Variants in NFASC observed in about 807,000 individuals in gnomAD.
NFASC encodes the protein neurofascin.
A neutral mutation model predicts 147.5 loss-of-function variants in NFASC; 43 were observed. The ratio of observed to expected loss-of-function variants is 0.29; its 90% CI spans 0.23 to 0.38. NFASC has a LOEUF of 0.38. NFASC is among the 10% of genes least tolerant of loss of function. The probability of loss-of-function intolerance (pLI) is 1.00; values close to 1 mark genes in which losing one functional copy is unlikely to be tolerated. For synonymous variants in NFASC, 622 were observed against 665.5 expected (o/e 0.93, Z 1.01); for missense variants, 1,320 against 1,689.0 (o/e 0.78, Z 3.83).
At chr1:204,935,333 G>A (rs916005574) in intron 2 of NFASC, among the ~76,000 whole-genome samples, 1 of 152,186 alleles carries the variant, frequency 6.6e-6, no homozygotes, top group Non-Finnish European at 1.5e-5. Flanking sequence ...GCTACAGCAA[G>A]GGAGTCAGCC....
chr1:204,895,430 T>C (rs987490723), intron 1 of NFASC, among the ~76,000 whole-genome samples: 30 of 152,368 alleles, frequency 2.0e-4, no homozygotes, highest in African/African-American at 7.2e-4. Flanking sequence ...GGATTGGCTC[T>C]GAACATGTCT....
At chr1:204,886,789 G>A (rs2148965766) in intron 1 of NFASC, among the ~76,000 whole-genome samples, 1 of 152,262 alleles carries the variant, frequency 6.6e-6, no homozygotes, top group Admixed American at 6.5e-5. Flanking sequence ...GATTCTGTAT[G>A]CCCATTCTAG....
At chr1:204,976,079 G>A (rs2095396441) in intron 15 of NFASC, among the ~76,000 whole-genome samples, 1 of 152,156 alleles carries the variant, frequency 6.6e-6, no homozygotes, top group East Asian at 1.9e-4. Flanking sequence ...GCAGGGCCCT[G>A]CAGTTGGACA....
chr1:204,898,691 G>A (rs1287251972), intron 1 of NFASC, among the ~76,000 whole-genome samples: 4 of 152,206 alleles, frequency 2.6e-5, no homozygotes, highest in Admixed American at 2.6e-4. Flanking sequence ...GAGACCCAGT[G>A]CAGCCTCGTG....
intron 1 of NFASC, among the ~76,000 whole-genome samples, chr1:204,880,760 A>G (rs569637108): frequency 3.3e-5 from 5 of 152,068 alleles, no homozygotes; most frequent in Non-Finnish European, 7.4e-5. Flanking sequence ...ATTTTTTCCT[A>G]GTTGACCCCA....
At chr1:204,927,292 C>T (rs898153330) in intron 2 of NFASC, among the ~76,000 whole-genome samples, 2 of 152,142 alleles carry the variant, frequency 1.3e-5, no homozygotes, top group Non-Finnish European at 2.9e-5. Context: ...AGAGATTTGC[C>T]TATTCTGGAC....
chr1:204,834,472 G>A (rs972170199), intron 1 of NFASC, among the ~76,000 whole-genome samples: 16 of 152,168 alleles, frequency 1.1e-4, no homozygotes, highest in African/African-American at 3.4e-4. Flanking sequence ...GGCTCCTGCT[G>A]CTCTCTTCCT....
chr1:204,880,998 G>A (rs541845305), intron 1 of NFASC, among the ~76,000 whole-genome samples: 11 of 152,328 alleles, frequency 7.2e-5, no homozygotes, highest in African/African-American at 2.6e-4. Context: ...GAAGAGTGTA[G>A]CAGCCCTCCT....
rs2096379392 is a variant in NFASC, at chr1:205,018,580, A to C, written c.*2041A>C. On this transcript the variant is annotated 3_prime_UTR_variant, in exon 30 of 30. Coordinates refer to ENST00000339876, the MANE Select transcript of NFASC (RefSeq NM_001005388.3). Reference sequence around the variant, plus strand: ...GCAGCTTATCACAGTGCAAGGGGACAGGGTAAACAGCAGGGGGTGGGGTGT... The same window carrying C: ...GCAGCTTATCACAGTGCAAGGGGACCGGGTAAACAGCAGGGGGTGGGGTGT... 2 of 152,700 alleles carry C rather than the reference A, an allele frequency of 1.3e-5. No homozygotes were observed. Among genetic ancestry groups the C allele is most frequent in the African/African-American group, 4.8e-5 (2 of 41,474 alleles). 9.5% of individuals were successfully genotyped at this position (152,700 alleles called of 1,614,324 possible). A position where few individuals can be genotyped will look rare whatever the true frequency, so the allele number is the denominator to read the frequency against.
intron 22 of NFASC, among the ~76,000 whole-genome samples, chr1:204,988,204 G>T (rs911512984): frequency 2.6e-5 from 4 of 152,170 alleles, no homozygotes; most frequent in Non-Finnish European, 4.4e-5. Flanking sequence ...ATTGATCTCT[G>T]GACCAGACCC....
chr1:204,966,072 T>G lies in NFASC; in HGVS notation c.707-2177T>G, dbSNP rs143350828. ...GGCCCTGATTATGACCTCCAACTTTTAGGATGCTCTTCTCTTTTTTTGAAC... is the reference window on the plus strand; with the variant it reads ...GGCCCTGATTATGACCTCCAACTTTGAGGATGCTCTTCTCTTTTTTTGAAC... On this transcript the variant is annotated intron_variant, in intron 8 of 29. Transcript: ENST00000339876. 9.8e-5 allele frequency among the ~76,000 whole-genome samples: 15 copies of G among 152,340 alleles called. No homozygotes were observed. In the East Asian group the frequency reaches 2.9e-3, roughly 29 times the overall value.
Position 204,884,290 on chromosome 1 carries a change from A to C in NFASC, c.-199-36342A>C, listed in dbSNP as rs764845100. ...GCTGGGCCTGGGGAGAAGGAGGTCT[A>C]TGCCACTCAAGGTGCTACCTTTTCT... On this transcript the variant is annotated intron_variant, in intron 1 of 29. Transcript: ENST00000339876. Among the ~76,000 whole-genome samples the C allele has an allele frequency of 3.9e-5, 6 of 152,090 alleles. No individual in the cohort carries two copies. The East Asian group carries it at 9.7e-4, about 24-fold the overall frequency.
chr1:204,873,667 T>G (rs2078169410), intron 1 of NFASC, among the ~76,000 whole-genome samples: 1 of 148,230 alleles, frequency 6.7e-6, no homozygotes, highest in Non-Finnish European at 1.5e-5. Flanking sequence ...GGACAGCTGC[T>G]GGGGGCCTTC....
At chr1:205,011,787 A>G (rs2096257924) in intron 28 of NFASC, among the ~76,000 whole-genome samples, 1 of 152,182 alleles carries the variant, frequency 6.6e-6, no homozygotes, top group Non-Finnish European at 1.5e-5. Flanking sequence ...GTGTCTCAAA[A>G]AGGACACATA....
At chr1:204,835,791 G>A (rs1000208412) in intron 1 of NFASC, among the ~76,000 whole-genome samples, 6 of 152,028 alleles carry the variant, frequency 3.9e-5, no homozygotes, top group Non-Finnish European at 8.8e-5. Flanking sequence ...CTCTGAGCAC[G>A]TACGATGCCC....
At chr1:204,865,579 T>A (rs1168135774) in intron 1 of NFASC, among the ~76,000 whole-genome samples, 1 of 152,234 alleles carries the variant, frequency 6.6e-6, no homozygotes, top group Admixed American at 6.5e-5. Context: ...AAAAATCAGT[T>A]GACCATAGAA....
intron 2 of NFASC, among the ~76,000 whole-genome samples, chr1:204,941,342 T>C (rs2093351642): frequency 6.6e-6 from 1 of 152,266 alleles, no homozygotes; most frequent in African/African-American, 2.4e-5. Flanking sequence ...CTTGAGATTC[T>C]TTTTCCACTC....
intron 2 of NFASC, among the ~76,000 whole-genome samples, chr1:204,938,303 G>A (rs560634934): frequency 6.6e-6 from 1 of 152,324 alleles, no homozygotes; most frequent in Non-Finnish European, 1.5e-5. Context: ...TGGTCATGTC[G>A]TGGAGGTGGA....
intron 5 of NFASC, among the ~76,000 whole-genome samples, chr1:204,952,790 TG>T (rs1334643600): frequency 6.6e-6 from 1 of 152,224 alleles, no homozygotes; most frequent in Non-Finnish European, 1.5e-5. Flanking sequence ...ATCTACAGAC[TG>T]AGCCTTTCAG....
Sources: allele counts gnomAD v4.1 joint callset (sites outside exome capture counted in the v4.1 genomes callset), GRCh38; gene constraint gnomAD v4.1.1; transcripts MANE v1.5; gene names NCBI Gene and HGNC (gene_info 2026-07-23, HGNC 2026-07-21).